The following DPP10 variants were observed in gnomAD, a reference collection of about 807,000 sequenced individuals.
DPP10 encodes inactive dipeptidyl peptidase 10.
Under a neutral mutation model 120.9 loss-of-function variants are expected in DPP10, and 33 were observed. The observed-to-expected ratio is 0.27, with a 90% CI of 0.21 to 0.37. DPP10 has a LOEUF of 0.37. Ranked by LOEUF, DPP10 falls within the 10% of genes least tolerant of loss-of-function variation. The probability of loss-of-function intolerance (pLI) is 1.00; values close to 1 mark genes in which losing one functional copy is unlikely to be tolerated. For synonymous variants in DPP10, 337 were observed against 326.1 expected (o/e 1.03, Z -0.36); for missense variants, 816 against 942.8 (o/e 0.87, Z 1.76).
At chr2:115,757,822 G>T (rs1173778878) in intron 11 of DPP10, among the ~76,000 whole-genome samples, 1 of 151,994 alleles carries the variant, frequency 6.6e-6, no homozygotes, top group Non-Finnish European at 1.5e-5. Context: ...CTTGGTAGAT[G>T]AAGAAAAAGC....
intron 1 of DPP10, among the ~76,000 whole-genome samples, chr2:114,898,493 TATA>T (rs1215031324): frequency 1.3e-5 from 2 of 151,252 alleles, no homozygotes; most frequent in African/African-American, 4.9e-5. Flanking sequence ...AAACTTAAAG[TATA>T]ATAATAACAA....
At chr2:115,315,262 T>C (rs1169336867) in intron 2 of DPP10, among the ~76,000 whole-genome samples, 1 of 150,702 alleles carries the variant, frequency 6.6e-6, no homozygotes, top group East Asian at 1.9e-4. Flanking sequence ...CACACACACA[T>C]GCACACACAC....
chr2:114,806,287 A>C (rs1223907720), intron 1 of DPP10, among the ~76,000 whole-genome samples: 1 of 152,206 alleles, frequency 6.6e-6, no homozygotes, highest in Non-Finnish European at 1.5e-5. Flanking sequence ...TTTGCAACTG[A>C]AGCTAGCCAT....
At chr2:114,594,369 CATAT>C (rs145248542) in intron 1 of DPP10, among the ~76,000 whole-genome samples, 1 of 147,740 alleles carries the variant, frequency 6.8e-6, no homozygotes, top group Admixed American at 6.8e-5. Flanking sequence ...CTCCCTTTTA[CATAT>C]ATATATATAT....
chr2:115,828,132 A>G (rs1405521333), intron 21 of DPP10, among the ~76,000 whole-genome samples: 2 of 151,830 alleles, frequency 1.3e-5, no homozygotes, highest in Non-Finnish European at 2.9e-5. Context: ...TCTTTTAAAT[A>G]TTTTATTATT....
intron 21 of DPP10, among the ~76,000 whole-genome samples, chr2:115,817,399 G>T (rs1687362981): frequency 6.6e-6 from 1 of 152,098 alleles, no homozygotes; most frequent in South Asian, 2.1e-4. Flanking sequence ...TAAAATAACT[G>T]GTAAGTTTAA....
intron 1 of DPP10, among the ~76,000 whole-genome samples, chr2:114,651,810 G>A (rs542342452): frequency 6.6e-6 from 1 of 152,288 alleles, no homozygotes; most frequent in African/African-American, 2.4e-5. Context: ...AATGGCAGAT[G>A]AGTAAGCAGA....
intron 2 of DPP10, among the ~76,000 whole-genome samples, chr2:115,329,173 C>T (rs894460691): frequency 1.3e-5 from 2 of 151,994 alleles, no homozygotes; most frequent in Non-Finnish European, 2.9e-5. Context: ...AATTATATTT[C>T]ATTTGTCAGC....
At chr2:115,366,014 T>A (rs951163434) in intron 3 of DPP10, among the ~76,000 whole-genome samples, 1 of 152,156 alleles carries the variant, frequency 6.6e-6, no homozygotes, top group African/African-American at 2.4e-5. Context: ...TTTATTTTGT[T>A]ATGCTAAAAT....
intron 2 of DPP10, among the ~76,000 whole-genome samples, chr2:115,341,396 C>A (rs1349656412): frequency 1.3e-5 from 2 of 152,098 alleles, no homozygotes; most frequent in African/African-American, 2.4e-5. Context: ...ATAGCTTCCC[C>A]AATTATCAAC....
At chr2:115,640,402 T>G (rs895857117) in intron 5 of DPP10, among the ~76,000 whole-genome samples, 1 of 151,446 alleles carries the variant, frequency 6.6e-6, no homozygotes, top group Non-Finnish European at 1.5e-5. Context: ...CTCTTCCATC[T>G]TTATGTGTCT....
chr2:114,954,269 G>A (rs1254062724), intron 1 of DPP10, among the ~76,000 whole-genome samples: 1 of 151,828 alleles, frequency 6.6e-6, no homozygotes, highest in Non-Finnish European at 1.5e-5. Context: ...TTTTTTAGTA[G>A]AGACAGGGTT....
At chr2:115,419,178 T>A (rs1207000481) in intron 3 of DPP10, among the ~76,000 whole-genome samples, 1 of 152,150 alleles carries the variant, frequency 6.6e-6, no homozygotes, top group Non-Finnish European at 1.5e-5. Flanking sequence ...CTACTAGACA[T>A]CTAAGATAAA....
intron 1 of DPP10, among the ~76,000 whole-genome samples, chr2:114,926,470 G>T (rs1177302881): frequency 6.6e-6 from 1 of 152,210 alleles, no homozygotes; most frequent in Non-Finnish European, 1.5e-5. Flanking sequence ...AGCTGGATCA[G>T]ATCACAAAAG....
intron 1 of DPP10, among the ~76,000 whole-genome samples, chr2:114,790,669 G>C (rs1334816306): frequency 1.3e-5 from 2 of 152,062 alleles, no homozygotes; most frequent in Admixed American, 6.6e-5. Context: ...GGGCAGGAGT[G>C]GGGGTTCGCA....
rs1400253260 is a variant in DPP10, at chr2:115,184,299, T to A, written c.61-124940T>A. The stretch of plus-strand genomic sequence containing the variant: ...CACTATAATTTGTCAAGTGGAATTC[T>A]TTTGCTGCCTGATGAAGATGATTTG... On this transcript the variant is annotated intron_variant, in intron 1 of 25. Transcript: ENST00000410059. 4.6e-5 allele frequency among the ~76,000 whole-genome samples: 7 copies of A among 152,340 alleles called. No individual in the cohort carries two copies. In the South Asian group the frequency reaches 1.4e-3, roughly 32 times the overall value.
chr2:115,281,919 A>G (rs1385638945), intron 1 of DPP10, among the ~76,000 whole-genome samples: 1 of 152,082 alleles, frequency 6.6e-6, no homozygotes, highest in Non-Finnish European at 1.5e-5. Flanking sequence ...CCCAAGAATA[A>G]TCTTTAGTTT....
At chr2:114,846,583 T>A (rs1179096202) in intron 1 of DPP10, among the ~76,000 whole-genome samples, 1 of 152,114 alleles carries the variant, frequency 6.6e-6, no homozygotes, top group Non-Finnish European at 1.5e-5. Context: ...ATTCTGTTTT[T>A]TTTTTTTCCT....
intron 2 of DPP10, among the ~76,000 whole-genome samples, chr2:115,334,229 T>TG (rs2062956802): frequency 2.0e-5 from 2 of 101,134 alleles, no homozygotes; most frequent in African/African-American, 8.1e-5. Context: ...GAGCAGACTC[T>TG]GTTTTTTTTT....
Sources: gnomAD v4.1 joint callset for allele counts (sites outside exome capture counted in the v4.1 genomes callset) on GRCh38, gnomAD v4.1.1 for gene constraint, MANE v1.5 for transcripts, NCBI Gene and HGNC (gene_info 2026-07-23, HGNC 2026-07-21) for gene names.